ACYP2: variants seen among roughly 807,000 people sequenced by gnomAD.
The protein encoded by ACYP2 is acylphosphatase-2.
Under a neutral mutation model 11.2 loss-of-function variants are expected in ACYP2, and 12 were observed. That is an observed-to-expected ratio of 1.08 (90% CI 0.69 to 1.74). ACYP2 has a LOEUF of 1.74. Ranked by LOEUF, ACYP2 falls within the 40% of genes most tolerant of loss-of-function variation. The pLI is 0.00. For synonymous variants in ACYP2, 43 were observed against 32.2 expected (o/e 1.33, Z -1.13); for missense variants, 134 against 101.9 (o/e 1.31, Z -1.35).
At chr2:54,077,418 T>C (rs1179108061) in intron 4 of ACYP2, among the ~76,000 whole-genome samples, 2 of 152,242 alleles carry the variant, frequency 1.3e-5, no homozygotes, top group African/African-American at 4.8e-5. Context: ...TAGGGACTTA[T>C]AAATGTTTGT....
intron 4 of ACYP2, among the ~76,000 whole-genome samples, chr2:54,089,547 G>A (rs1678113267): frequency 6.6e-6 from 1 of 152,068 alleles, no homozygotes; most frequent in Non-Finnish European, 1.5e-5. Flanking sequence ...AGACCAGCCT[G>A]GGCAACATAG....
intron 4 of ACYP2, chr2:54,115,339 C>T (rs1679686818): frequency 2.0e-6 from 1 of 500,376 alleles, no homozygotes; most frequent in African/African-American, 2.0e-5. Flanking sequence ...GGGGAAGCCA[C>T]TCTTTTTTTG....
At chr2:54,270,524 T>C (rs2104078415) in intron 6 of ACYP2, among the ~76,000 whole-genome samples, 1 of 152,272 alleles carries the variant, frequency 6.6e-6, no homozygotes, top group Middle Eastern at 3.4e-3. Flanking sequence ...GGGAAGATCA[T>C]TTGAGCTCAG....
At chr2:54,134,068 AACAT>A (rs1490271887) in intron 4 of ACYP2, among the ~76,000 whole-genome samples, 1 of 151,874 alleles carries the variant, frequency 6.6e-6, no homozygotes, top group African/African-American at 2.4e-5. Flanking sequence ...TCAAAGTATT[AACAT>A]AATGTAATCT....
intron 6 of ACYP2, among the ~76,000 whole-genome samples, chr2:54,157,686 G>T (rs13396186): frequency 0.014 from 2,077 of 152,288 alleles, 57 homozygotes; most frequent in African/African-American, 0.048. Context: ...CAATAAACAA[G>T]ATACAAGATA....
intron 6 of ACYP2, among the ~76,000 whole-genome samples, chr2:54,246,530 TTC>T (rs1216113884): frequency 6.6e-6 from 1 of 152,186 alleles, no homozygotes; most frequent in African/African-American, 2.4e-5. Context: ...TCTTCCAACT[TTC>T]TGTGTTTGTA....
At chr2:54,029,825 GC>G in intron 2 of ACYP2, 1 of 504,024 alleles carries the variant, frequency 2.0e-6, no homozygotes, top group South Asian at 1.9e-5. Context: ...TTTGAACAGT[GC>G]CCACTCCCTT....
chr2:54,135,465 G>C lies in ACYP2; in HGVS notation c.290G>C (p.Arg97Thr). 6.2e-7 allele frequency: 1 copy of C among 1,608,176 alleles called. No homozygotes were observed. Among genetic ancestry groups the C allele is most frequent in the East Asian group, 2.2e-5 (1 of 44,732 alleles). ...TTCTTTTATACAGGTGTTTGCTTCA[G>C]AATGGTAAGTCAGTACAATCTTTAT... The change falls in exon 5 of 7, where the codon AGA (arginine) becomes ACA (threonine). Residue 97 changes from arginine to threonine, a missense_variant. Coordinates refer to ENST00000607452, the MANE Select transcript of ACYP2 (RefSeq NM_001320586.2).
chr2:54,005,027 A>G (rs1672994887), intron 2 of ACYP2, among the ~76,000 whole-genome samples: 2 of 151,762 alleles, frequency 1.3e-5, no homozygotes, highest in African/African-American at 4.8e-5. Flanking sequence ...TTGTCTTCTC[A>G]CTCTCTGTAT....
At chr2:54,148,214 A>G (rs1681984750) in intron 6 of ACYP2, among the ~76,000 whole-genome samples, 1 of 152,166 alleles carries the variant, frequency 6.6e-6, no homozygotes, top group Non-Finnish European at 1.5e-5. Flanking sequence ...CCTTGCTACA[A>G]GGGAGACTGA....
intron 6 of ACYP2, among the ~76,000 whole-genome samples, chr2:54,173,143 A>C (rs935065829): frequency 6.6e-6 from 1 of 152,214 alleles, no homozygotes. Context: ...CAATGGTTGA[A>C]CTAATTTACA....
chr2:54,255,050 T>G, intron 6 of ACYP2: 1 of 1,614,056 alleles, frequency 6.2e-7, no homozygotes, highest in Non-Finnish European at 8.5e-7. Flanking sequence ...TCTTTAATAA[T>G]CTGAGCAATC....
At chr2:54,143,723 T>A (rs2103794417) in intron 6 of ACYP2, among the ~76,000 whole-genome samples, 1 of 127,748 alleles carries the variant, frequency 7.8e-6, no homozygotes, top group South Asian at 2.9e-4. Flanking sequence ...TGAGCCACCA[T>A]ACCCAGCCGG....
intron 2 of ACYP2, chr2:53,975,432 G>A (rs1671423339): frequency 2.5e-6 from 1 of 392,218 alleles, no homozygotes; most frequent in East Asian, 3.6e-5. Flanking sequence ...GAGCTGGTCT[G>A]CTCATTAGTG....
intron 6 of ACYP2, among the ~76,000 whole-genome samples, chr2:54,176,171 C>G (rs1683450966): frequency 6.6e-6 from 1 of 152,130 alleles, no homozygotes; most frequent in Non-Finnish European, 1.5e-5. Flanking sequence ...AAGACATCCC[C>G]CTAGCATAAG....
At chr2:54,219,321 T>C (rs1572951458) in intron 6 of ACYP2, among the ~76,000 whole-genome samples, 1 of 152,104 alleles carries the variant, frequency 6.6e-6, no homozygotes, top group African/African-American at 2.4e-5. Flanking sequence ...TGTTTTTGAA[T>C]CATTAGACCA....
At chr2:54,031,058 C>T (rs1013215162) in intron 2 of ACYP2, among the ~76,000 whole-genome samples, 1 of 152,174 alleles carries the variant, frequency 6.6e-6, no homozygotes, top group East Asian at 1.9e-4. Context: ...TGTGCTATAA[C>T]AGAGGAAGTT....
chr2:54,109,655 T>C (rs1468028453), intron 4 of ACYP2, among the ~76,000 whole-genome samples: 1 of 152,176 alleles, frequency 6.6e-6, no homozygotes, highest in Non-Finnish European at 1.5e-5. Context: ...TTTTGAAATG[T>C]TATTATGAAA....
At chr2:54,123,071 A>T (rs1259708122) in intron 4 of ACYP2, 2 of 292,628 alleles carry the variant, frequency 6.8e-6, no homozygotes, top group Admixed American at 5.1e-5. Flanking sequence ...AGCGGGAGGA[A>T]GAAGAGGACA....
Sources: gnomAD v4.1 joint callset for allele counts (sites outside exome capture counted in the v4.1 genomes callset) on GRCh38, gnomAD v4.1.1 for gene constraint, MANE v1.5 for transcripts, NCBI Gene and HGNC (gene_info 2026-07-23, HGNC 2026-07-21) for gene names.